The following COL11A1 variants were observed in gnomAD, a reference collection of about 807,000 sequenced individuals.
COL11A1 encodes the protein collagen alpha-1(XI) chain.
A neutral mutation model predicts 265.2 loss-of-function variants in COL11A1; 74 were observed. The observed-to-expected ratio is 0.28, with a 90% CI of 0.23 to 0.34. The LOEUF is 0.34. Ranked by LOEUF, COL11A1 falls within the 10% of genes least tolerant of loss-of-function variation. The pLI is 1.00. For missense variants in COL11A1, 2,165 were observed against 2,263.6 expected (o/e 0.96, Z 0.88); for synonymous variants, 816 against 727.6 (o/e 1.12, Z -1.96).
At chr1:102,917,203 T>G (rs1267421173) in intron 49 of COL11A1, among the ~76,000 whole-genome samples, 1 of 151,830 alleles carries the variant, frequency 6.6e-6, no homozygotes, top group East Asian at 1.9e-4. Context: ...TACAGCAAAC[T>G]AATCTTTGAC....
At chr1:102,912,700 C>T (rs906538791) in intron 53 of COL11A1, among the ~76,000 whole-genome samples, 4 of 152,112 alleles carry the variant, frequency 2.6e-5, no homozygotes, top group African/African-American at 9.7e-5. Flanking sequence ...TTCCTATAAT[C>T]CCCATGTATC....
chr1:103,038,427 T>C (rs536979513), intron 4 of COL11A1, among the ~76,000 whole-genome samples: 17 of 152,114 alleles, frequency 1.1e-4, no homozygotes, highest in African/African-American at 3.6e-4. Flanking sequence ...ATCGCGCCAC[T>C]GCCACTGCAC....
At chr1:102,909,466 G>A (rs1054945246) in intron 54 of COL11A1, among the ~76,000 whole-genome samples, 1 of 152,072 alleles carries the variant, frequency 6.6e-6, no homozygotes, top group South Asian at 2.1e-4. Flanking sequence ...AAAAAAGGAT[G>A]CTTCATGTTC....
intron 54 of COL11A1, among the ~76,000 whole-genome samples, chr1:102,905,869 G>A (rs756653083): frequency 2.1e-4 from 32 of 151,984 alleles, no homozygotes; most frequent in Non-Finnish European, 3.5e-4. Flanking sequence ...CACCCAGTTA[G>A]TTCAGTATTG....
chr1:102,934,054 G>A (rs201404412), intron 46 of COL11A1, among the ~76,000 whole-genome samples: 2 of 152,012 alleles, frequency 1.3e-5, no homozygotes, highest in African/African-American at 2.4e-5. Context: ...TGTATTCTGC[G>A]TCGCTCACGC....
intron 4 of COL11A1, among the ~76,000 whole-genome samples, chr1:103,063,524 AT>A (rs1229706669): frequency 6.6e-6 from 1 of 152,164 alleles, no homozygotes; most frequent in African/African-American, 2.4e-5. Flanking sequence ...ATGCAAAAAA[AT>A]ATCTAAATAC....
intron 41 of COL11A1, among the ~76,000 whole-genome samples, chr1:102,954,857 A>G (rs543052609): frequency 2.2e-4 from 34 of 152,258 alleles, no homozygotes; most frequent in Non-Finnish European, 4.0e-4. Context: ...AATAAAAAAA[A>G]AAAAAAAAGA....
chr1:102,892,192 G>T (rs535908513), intron 57 of COL11A1, among the ~76,000 whole-genome samples: 1 of 152,192 alleles, frequency 6.6e-6, no homozygotes, highest in South Asian at 2.1e-4. Context: ...TATTTTGATA[G>T]AATTCAATTA....
At chr1:102,948,829 T>C (rs1659581640) in intron 41 of COL11A1, among the ~76,000 whole-genome samples, 1 of 151,968 alleles carries the variant, frequency 6.6e-6, no homozygotes, top group East Asian at 1.9e-4. Context: ...GGTAACAGAC[T>C]CCTGTTGAAT....
chr1:102,967,227 C>CTAGTTTTTTT (rs1661487792), intron 37 of COL11A1, among the ~76,000 whole-genome samples: 1 of 52,754 alleles, frequency 1.9e-5, no homozygotes, highest in African/African-American at 8.0e-5. Flanking sequence ...ATAATAAATT[C>CTAGTTTTTTT]TTTTTTTTTT....
Position 102,888,609 on chromosome 1 carries a change from C to G in COL11A1, c.4576G>C (p.Asp1526His). Reference sequence around the variant, plus strand: ...CCAGGAGGCCCTGGAAGACCACTGTCACCTTTCTGGCCAGCGGGTCCCTGT... The same window carrying G: ...CCAGGAGGCCCTGGAAGACCACTGTGACCTTTCTGGCCAGCGGGTCCCTGT... ...GSTGPAGQKG[D>H]SGLPGPPGSP... The change falls in exon 62 of 67, where the codon GAC (aspartate) becomes CAC (histidine). Residue 1526 changes from aspartate to histidine, a missense_variant. Asp to His is a moderately conservative substitution (Grantham distance 81). Coordinates refer to ENST00000370096, the MANE Select transcript of COL11A1 (RefSeq NM_001854.4). 1.2e-6 allele frequency: 2 copies of G among 1,613,744 alleles called. No individual in the cohort carries two copies. Among genetic ancestry groups the G allele is most frequent in the Non-Finnish European group, 1.7e-6 (2 of 1,179,740 alleles).
Position 102,898,924 on chromosome 1 carries a change from T to G in COL11A1, c.4140+17A>C. The G allele has an allele frequency of 7.7e-7, 1 of 1,300,072 alleles. No homozygotes were observed. The highest frequency in any genetic ancestry group is 1.1e-6 in the Non-Finnish European group (1 of 947,376). The allele number at this position is 1,300,072 out of a possible 1,614,324, so 80.5% of individuals were successfully genotyped here. Reference sequence around the variant, plus strand: ...TAATATATAATATATATTATGTATATATTATTTTTTTTTTACCTTAGCACC... The same window carrying G: ...TAATATATAATATATATTATGTATAGATTATTTTTTTTTTACCTTAGCACC... On this transcript the variant is annotated intron_variant, in intron 55 of 66. Coordinates refer to ENST00000370096, the MANE Select transcript of COL11A1 (RefSeq NM_001854.4).
At chr1:102,978,121 G>A (rs1234797351) in intron 35 of COL11A1, among the ~76,000 whole-genome samples, 1 of 152,072 alleles carries the variant, frequency 6.6e-6, no homozygotes, top group East Asian at 1.9e-4. Context: ...CAGGAGGATA[G>A]CTTTTTTAAA....
intron 1 of COL11A1, among the ~76,000 whole-genome samples, chr1:103,092,981 CA>C (rs564084749): frequency 5.4e-5 from 8 of 148,074 alleles, no homozygotes; most frequent in East Asian, 3.9e-4. Context: ...AACAAACAAA[CA>C]AAAAAAAACA....
intron 29 of COL11A1, among the ~76,000 whole-genome samples, chr1:102,988,611 A>G (rs1230080435): frequency 3.3e-5 from 5 of 151,486 alleles, no homozygotes; most frequent in South Asian, 2.1e-4. Context: ...AAGAGGCTTG[A>G]AAGTGTTTGA....
intron 1 of COL11A1, 140 bp from the exon 2 acceptor site, chr1:103,083,112 G>A: frequency 1.3e-6 from 1 of 754,710 alleles, no homozygotes; most frequent in Non-Finnish European, 2.1e-6. Flanking sequence ...CATTTAGGTG[G>A]GAGTTTGGAG....
chr1:102,930,748 TG>T (rs1657314195), intron 46 of COL11A1, among the ~76,000 whole-genome samples: 1 of 151,984 alleles, frequency 6.6e-6, no homozygotes. Context: ...GGTAAGCTAT[TG>T]ATTATTGCCA....
intron 38 of COL11A1, among the ~76,000 whole-genome samples, chr1:102,965,073 T>C (rs991515361): frequency 1.3e-5 from 2 of 152,144 alleles, no homozygotes; most frequent in African/African-American, 4.8e-5. Flanking sequence ...TATTAAAATT[T>C]TAGAATGTAT....
At chr1:103,075,328 T>C (rs936267964) in intron 3 of COL11A1, among the ~76,000 whole-genome samples, 2 of 152,158 alleles carry the variant, frequency 1.3e-5, no homozygotes, top group South Asian at 2.1e-4. Flanking sequence ...TTATTTCAAG[T>C]GCTTTCATTA....
Sources: allele counts gnomAD v4.1 joint callset (sites outside exome capture counted in the v4.1 genomes callset), GRCh38; gene constraint gnomAD v4.1.1; transcripts MANE v1.5; gene names NCBI Gene and HGNC (gene_info 2026-07-23, HGNC 2026-07-21).